Variants in SPRY3 observed in about 807,000 individuals in gnomAD.
SPRY3 encodes the protein sprouty RTK signaling antagonist 3.
Under a neutral mutation model 20.2 loss-of-function variants are expected in SPRY3, and 15 were observed. The observed-to-expected ratio is 0.74, with a 90% CI of 0.50 to 1.14. The LOEUF is 1.14. Ranked by LOEUF, SPRY3 falls within the 50% of genes most tolerant of loss-of-function variation. The pLI is 0.00. For missense variants in SPRY3, 364 were observed against 363.9 expected (o/e 1.00, Z 0.00); for synonymous variants, 143 against 136.5 (o/e 1.05, Z -0.33).
At chrX:155,724,338 C>G (rs1426062502) in intron 2 of SPRY3, among the ~76,000 whole-genome samples, 3 of 151,988 alleles carry the variant, frequency 2.0e-5, no homozygotes, top group Admixed American at 6.6e-5. Flanking sequence ...ATTGGTAGCT[C>G]GATGGGGATG....
At chrX:155,616,261 G>A (rs1050644097) in intron 1 of SPRY3, among the ~76,000 whole-genome samples, 1 of 108,477 alleles carries the variant, frequency 9.2e-6, no homozygotes, top group African/African-American at 3.4e-5. Context: ...ATACGGTTAC[G>A]GACACCTTCC....
chrX:155,714,306 G>A (rs1030856864), intron 2 of SPRY3, among the ~76,000 whole-genome samples: 3 of 152,110 alleles, frequency 2.0e-5, no homozygotes, highest in Non-Finnish European at 2.9e-5. Flanking sequence ...GGCATTCATT[G>A]TAGTCTTCAA....
At chrX:155,744,945 A>T (rs910616458) in intron 2 of SPRY3, among the ~76,000 whole-genome samples, 1 of 152,018 alleles carries the variant, frequency 6.6e-6, no homozygotes, top group African/African-American at 2.4e-5. Context: ...CTTAGAATTG[A>T]GGAAGAATAG....
intron 1 of SPRY3, among the ~76,000 whole-genome samples, chrX:155,655,486 A>T (rs1274024695): frequency 1.8e-5 from 2 of 111,255 alleles, no homozygotes; most frequent in Non-Finnish European, 3.8e-5. Flanking sequence ...TTTATAGTTT[A>T]AGGTCTTAAA....
At chrX:155,744,979 G>A (rs944754631) in intron 2 of SPRY3, among the ~76,000 whole-genome samples, 2 of 152,034 alleles carry the variant, frequency 1.3e-5, no homozygotes, top group African/African-American at 4.8e-5. Flanking sequence ...TGAGTGCAAA[G>A]CCTCTTTACT....
chrX:155,716,286 G>T (rs1466667753), intron 2 of SPRY3, among the ~76,000 whole-genome samples: 1 of 151,966 alleles, frequency 6.6e-6, no homozygotes, highest in Non-Finnish European at 1.5e-5. Context: ...TTTCTTTTGG[G>T]AATCATACTC....
chrX:155,675,885 G>T (rs1232053210), intron 2 of SPRY3, among the ~76,000 whole-genome samples: 2 of 111,267 alleles, frequency 1.8e-5, no homozygotes, highest in Non-Finnish European at 3.8e-5. Context: ...AATAAGCATG[G>T]AGTTTTCAGT....
intron 2 of SPRY3, among the ~76,000 whole-genome samples, chrX:155,756,174 A>G (rs185068606): frequency 2.6e-5 from 4 of 152,194 alleles, no homozygotes; most frequent in African/African-American, 9.6e-5. Flanking sequence ...GGCCTCCCTT[A>G]TAGAGGAGAG....
chrX:155,775,081 G>A (rs1377004702), exon 4 of SPRY3: 6 of 366,232 alleles, frequency 1.6e-5, no homozygotes, highest in African/African-American at 4.1e-5. Context: ...AATACCTCTC[G>A]ATGCAGGCTC....
intron 1 of SPRY3, among the ~76,000 whole-genome samples, chrX:155,651,265 A>C (rs1416619649): frequency 1.8e-5 from 2 of 109,739 alleles, no homozygotes; most frequent in African/African-American, 6.6e-5. Flanking sequence ...ACGGGGTTTC[A>C]CCAGGCTGGT....
chrX:155,781,637 A>G (rs763150991), downstream of SPRY3: 46 of 167,080 alleles, frequency 2.8e-4, no homozygotes, highest in African/African-American at 1.1e-3. Context: ...TGCTTTTCTC[A>G]TCTGTAAAAT....
At chrX:155,627,393 C>G (rs1260272813) in intron 1 of SPRY3, among the ~76,000 whole-genome samples, 1 of 111,848 alleles carries the variant, frequency 8.9e-6, no homozygotes, top group Non-Finnish European at 1.9e-5. Flanking sequence ...CATGCTGTGA[C>G]AAATAACATG....
At chrX:155,665,052 A>C (rs2124555256) in intron 2 of SPRY3, among the ~76,000 whole-genome samples, 1 of 111,208 alleles carries the variant, frequency 9.0e-6, no homozygotes, top group Non-Finnish European at 1.9e-5. Flanking sequence ...CTATAAACAA[A>C]AAAAGACAAA....
Sources: allele counts gnomAD v4.1 joint callset (sites outside exome capture counted in the v4.1 genomes callset), GRCh38; gene constraint gnomAD v4.1.1; transcripts MANE v1.5; gene names NCBI Gene and HGNC (gene_info 2026-07-23, HGNC 2026-07-21).